Variants in FBXO28 observed in about 807,000 individuals in gnomAD.
FBXO28 encodes F-box only protein 28.
In FBXO28, 8 loss-of-function variants were observed where a neutral mutation model predicts 38.1. That is an observed-to-expected ratio of 0.21 (90% CI 0.12 to 0.38). FBXO28 has a LOEUF of 0.38. FBXO28 is among the 10% of genes least tolerant of loss of function. The pLI is 1.00. For missense variants in FBXO28, 345 were observed against 460.6 expected (o/e 0.75, Z 2.30); for synonymous variants, 168 against 173.8 (o/e 0.97, Z 0.26).
chr1:224,115,095 AATTT>A (rs1367086869), intron 1 of FBXO28, among the ~76,000 whole-genome samples: 1 of 151,944 alleles, frequency 6.6e-6, no homozygotes, highest in African/African-American at 2.4e-5. Flanking sequence ...TCTCTTTTGC[AATTT>A]ATTTTTAACT....
intron 1 of FBXO28, among the ~76,000 whole-genome samples, chr1:224,123,266 G>A (rs57979111): frequency 0.016 from 2,394 of 151,752 alleles, 40 homozygotes; most frequent in South Asian, 0.097. Context: ...GGTTCCAGCT[G>A]GGCGCAGTGG....
intron 1 of FBXO28, among the ~76,000 whole-genome samples, chr1:224,127,128 A>C (rs992027183): frequency 7.9e-5 from 12 of 151,602 alleles, no homozygotes; most frequent in African/African-American, 2.2e-4. Context: ...AGAGGTTTCC[A>C]GGATCCTGTC....
chr1:224,126,398 T>C (rs564322872), intron 1 of FBXO28, among the ~76,000 whole-genome samples: 50 of 152,396 alleles, frequency 3.3e-4, no homozygotes, highest in Non-Finnish European at 5.9e-4. Flanking sequence ...AAAAATTATT[T>C]CTTCTCAGAA....
chr1:224,153,013 A>G (rs1336934968), intron 3 of FBXO28, 129 bp from the exon 4 acceptor site: 1 of 608,574 alleles, frequency 1.6e-6, no homozygotes, highest in Non-Finnish European at 2.8e-6. Context: ...AGTGGCCAGT[A>G]CATCACTTAA....
chr1:224,145,380 CT>C (rs1657476453), intron 3 of FBXO28, among the ~76,000 whole-genome samples: 2 of 148,318 alleles, frequency 1.3e-5, no homozygotes, highest in African/African-American at 5.0e-5. Context: ...GCCTTAGGAA[CT>C]TAACACTTGT....
At chr1:224,139,011 C>T (rs896548562) in intron 3 of FBXO28, among the ~76,000 whole-genome samples, 5 of 151,776 alleles carry the variant, frequency 3.3e-5, no homozygotes, top group African/African-American at 4.9e-5. Context: ...CCTCAATCTC[C>T]TGACCTTGTG....
chr1:224,129,018 C>G (rs1313692240), intron 1 of FBXO28, among the ~76,000 whole-genome samples: 1 of 149,006 alleles, frequency 6.7e-6, no homozygotes, highest in Non-Finnish European at 1.5e-5. Flanking sequence ...ATTAAGGATT[C>G]AAAGTAGTTG....
intron 3 of FBXO28, among the ~76,000 whole-genome samples, chr1:224,147,479 G>A (rs1314875542): frequency 6.6e-6 from 1 of 151,544 alleles, no homozygotes; most frequent in Non-Finnish European, 1.5e-5. Context: ...TTTAAAATAT[G>A]AATTTTAAAA....
At chr1:224,139,718 T>G (rs1657293411) in intron 3 of FBXO28, among the ~76,000 whole-genome samples, 1 of 151,444 alleles carries the variant, frequency 6.6e-6, no homozygotes, top group Non-Finnish European at 1.5e-5. Context: ...TCCAGCCTGG[T>G]GACAGAGTGA....
intron 4 of FBXO28, among the ~76,000 whole-genome samples, chr1:224,153,877 C>T (rs1657704793): frequency 6.6e-6 from 1 of 150,662 alleles, no homozygotes; most frequent in Non-Finnish European, 1.5e-5. Flanking sequence ...GCCAGATTCG[C>T]GCCATTGCAC....
Position 224,114,439 on chromosome 1 carries a change from G to A in FBXO28, c.267+43G>A, listed in dbSNP as rs780946713. On this transcript the variant is annotated intron_variant, in intron 1 of 4. Transcript: ENST00000366862. ...CTCCTGCCTCCCTCTCCCCCCGGCC[G>A]AGGTCTGGGAGATGAGAAGGGAGCG... 18 of 1,350,832 alleles carry A rather than the reference G, an allele frequency of 1.3e-5. No homozygotes were observed. In the Middle Eastern group the frequency reaches 7.7e-4, roughly 58 times the overall value. The allele number at this position is 1,350,832 out of a possible 1,614,324, so 83.7% of individuals were successfully genotyped here. A position where few individuals can be genotyped will look rare whatever the true frequency, so the allele number is the denominator to read the frequency against.
rs937307994 is a variant in FBXO28, at chr1:224,160,608, G to A, written c.*2862G>A. 1 of 152,098 alleles carries A rather than the reference G, an allele frequency of 6.6e-6. No individual in the cohort carries two copies. Among genetic ancestry groups the A allele is most frequent in the African/African-American group, 2.4e-5 (1 of 41,414 alleles). 9.4% of individuals were successfully genotyped at this position (152,098 alleles called of 1,614,324 possible). ...AGAACCTGTTGTTTTTCAAACTCCT[G>A]TACAGAGCCTGGAAATAATGGAGCA... On this transcript the variant is annotated 3_prime_UTR_variant, in exon 5 of 5. Transcript: ENST00000366862.
At chr1:224,147,603 G>A (rs988700329) in intron 3 of FBXO28, among the ~76,000 whole-genome samples, 7 of 135,080 alleles carry the variant, frequency 5.2e-5, no homozygotes, top group African/African-American at 1.7e-4. Context: ...TAAAGGACTT[G>A]AGCACACACA....
At chr1:224,135,639 A>G (rs1341708898) in intron 3 of FBXO28, among the ~76,000 whole-genome samples, 1 of 150,250 alleles carries the variant, frequency 6.7e-6, no homozygotes, top group Non-Finnish European at 1.5e-5. Context: ...AAAAAAAGAA[A>G]AAGAAAAAGA....
intron 1 of FBXO28, among the ~76,000 whole-genome samples, chr1:224,119,531 T>A (rs1656724231): frequency 6.6e-6 from 1 of 152,120 alleles, no homozygotes; most frequent in South Asian, 2.1e-4. Context: ...TTATAATCTC[T>A]TGGGGGCAGT....
At chr1:224,135,610 TCAAAAAAA>T (rs1211967306) in intron 3 of FBXO28, among the ~76,000 whole-genome samples, 26 of 12,622 alleles carry the variant, frequency 2.1e-3, no homozygotes, top group African/African-American at 8.6e-3. Context: ...AGACTCTGTC[TCAAAAAAA>T]AAAAAAAAAA....
Position 224,158,023 on chromosome 1 carries a change from G to C in FBXO28, c.*277G>C. On this transcript the variant is annotated 3_prime_UTR_variant, in exon 5 of 5. Coordinates refer to ENST00000366862, the MANE Select transcript of FBXO28 (RefSeq NM_015176.4). Reference sequence around the variant, plus strand: ...TTTTTCTGTGCAGATAATGTTGAAAGTAAGTTAATTTGTTTCTGCATATAT... The same window carrying C: ...TTTTTCTGTGCAGATAATGTTGAAACTAAGTTAATTTGTTTCTGCATATAT... The C allele has an allele frequency of 8.5e-7, 1 of 1,176,184 alleles. No homozygotes were observed. Among genetic ancestry groups the C allele is most frequent in the Non-Finnish European group, 1.1e-6 (1 of 951,800 alleles). The allele number at this position is 1,176,184 out of a possible 1,614,324, so 72.9% of individuals were successfully genotyped here.
chr1:224,131,078 TAC>T (rs1657026751), intron 2 of FBXO28: 1 of 152,234 alleles, frequency 6.6e-6, no homozygotes, highest in Non-Finnish European at 1.5e-5. Context: ...TACTAAAAAC[TAC>T]AAAACACCAT....
Position 224,158,340 on chromosome 1 carries a change from G to T in FBXO28, c.*594G>T, listed in dbSNP as rs1657818090. 3.8e-6 allele frequency: 2 copies of T among 523,004 alleles called. No homozygotes were observed. Among genetic ancestry groups the T allele is most frequent in the Non-Finnish European group, 4.9e-6 (2 of 407,416 alleles). 32.4% of individuals were successfully genotyped at this position (523,004 alleles called of 1,614,324 possible). On this transcript the variant is annotated 3_prime_UTR_variant, in exon 5 of 5. Coordinates refer to ENST00000366862, the MANE Select transcript of FBXO28 (RefSeq NM_015176.4). The stretch of plus-strand genomic sequence containing the variant: ...GACTATATATTTTTATAAACTACTG[G>T]CAAGGAACTTACCCAGCTGTTATAC...
Sources: allele counts gnomAD v4.1 joint callset (sites outside exome capture counted in the v4.1 genomes callset), GRCh38; gene constraint gnomAD v4.1.1; transcripts MANE v1.5; gene names NCBI Gene and HGNC (gene_info 2026-07-23, HGNC 2026-07-21).